The following TMIGD3 variants were observed in gnomAD, a reference collection of about 807,000 sequenced individuals.
The protein encoded by TMIGD3 is AD026 protein (AD026).
A neutral mutation model predicts 28.1 loss-of-function variants in TMIGD3; 21 were observed. The observed-to-expected ratio is 0.75, with a 90% CI of 0.53 to 1.08. The LOEUF is 1.08. Ranked by LOEUF, TMIGD3 falls within the 50% of genes least tolerant of loss-of-function variation. The pLI is 0.00. For missense variants in TMIGD3, 416 were observed against 435.6 expected (o/e 0.96, Z 0.40); for synonymous variants, 151 against 162.1 (o/e 0.93, Z 0.52).
Position 111,559,372 on chromosome 1 carries a change from G to A in TMIGD3, c.107+4474C>T, listed in dbSNP as rs943967213. ...TGAACACCCACTATTAGGCATTTAC[G>A]ATTCAGCAGTGACCTAAAAAAAATC... On this transcript the variant is annotated intron_variant, in intron 1 of 5. Coordinates refer to the TMIGD3 transcript ENST00000369717. 9.2e-5 allele frequency among the ~76,000 whole-genome samples: 14 copies of A among 152,072 alleles called. No individual in the cohort carries two copies. The South Asian group carries it at 1.4e-3, about 16-fold the overall frequency.
At chr1:111,561,654 C>T (rs1263469202) in intron 1 of TMIGD3, among the ~76,000 whole-genome samples, 1 of 152,188 alleles carries the variant, frequency 6.6e-6, no homozygotes, top group Non-Finnish European at 1.5e-5. Context: ...TTCTCTCCTA[C>T]TGCTCACTAC....
chr1:111,494,905 C>T (rs1310850765), intron 1 of TMIGD3, among the ~76,000 whole-genome samples: 1 of 152,190 alleles, frequency 6.6e-6, no homozygotes, highest in African/African-American at 2.4e-5. Context: ...AAAAGACTCC[C>T]TATTCAATAA....
chr1:111,529,949 G>A (rs1656398970), intron 1 of TMIGD3, among the ~76,000 whole-genome samples: 2 of 146,586 alleles, frequency 1.4e-5, no homozygotes, highest in Admixed American at 1.3e-4. Flanking sequence ...GGGGCGGCCG[G>A]GCAGAGGCGC....
intron 1 of TMIGD3, among the ~76,000 whole-genome samples, chr1:111,528,724 A>T (rs981301626): frequency 6.6e-6 from 1 of 152,068 alleles, no homozygotes; most frequent in African/African-American, 2.4e-5. Flanking sequence ...TCATATAGAT[A>T]TTGTACTTAT....
intron 1 of TMIGD3, among the ~76,000 whole-genome samples, chr1:111,491,495 C>T (rs59998931): frequency 0.015 from 2,255 of 152,318 alleles, 45 homozygotes; most frequent in African/African-American, 0.052. Context: ...CTTATCACAT[C>T]CCAGAGCCAG....
intron 1 of TMIGD3, among the ~76,000 whole-genome samples, chr1:111,537,866 A>T (rs904483103): frequency 6.0e-5 from 9 of 149,306 alleles, no homozygotes; most frequent in African/African-American, 2.3e-4. Context: ...GATGACCAGG[A>T]TGAAAACAGA....
intron 1 of TMIGD3, among the ~76,000 whole-genome samples, chr1:111,527,907 G>A (rs35965363): frequency 6.6e-6 from 1 of 151,902 alleles, no homozygotes; most frequent in African/African-American, 2.4e-5. Context: ...ACAGTCTCCT[G>A]TATCAGATAT....
chr1:111,500,544 G>A (rs1655122581), intron 1 of TMIGD3: 2 of 1,614,066 alleles, frequency 1.2e-6, no homozygotes, highest in Non-Finnish European at 8.5e-7. Context: ...TGTGAGTGGT[G>A]ACCCTCTTGT....
intron 2 of TMIGD3, chr1:111,489,459 G>C (rs1654550441): frequency 1.4e-6 from 1 of 715,408 alleles, no homozygotes; most frequent in Admixed American, 5.3e-5. Flanking sequence ...CCTCGATCTT[G>C]AACTTACCAC....
At chr1:111,490,398 A>G in intron 2 of TMIGD3, 1 of 475,880 alleles carries the variant, frequency 2.1e-6, no homozygotes, top group Non-Finnish European at 3.8e-6. Flanking sequence ...TTCTAATTTC[A>G]GTATATGTGC....
chr1:111,544,410 A>G (rs553869109), intron 1 of TMIGD3, among the ~76,000 whole-genome samples: 1 of 152,220 alleles, frequency 6.6e-6, no homozygotes, highest in South Asian at 2.1e-4. Flanking sequence ...ATCTGTCTCT[A>G]TGGATTTGAC....
chr1:111,531,719 A>G (rs1053385020), intron 1 of TMIGD3, among the ~76,000 whole-genome samples: 7 of 151,764 alleles, frequency 4.6e-5, no homozygotes, highest in Non-Finnish European at 8.8e-5. Context: ...TTTTAAAATT[A>G]TTTATTTATT....
At chr1:111,533,915 A>G (rs746354779) in intron 1 of TMIGD3, among the ~76,000 whole-genome samples, 1 of 152,100 alleles carries the variant, frequency 6.6e-6, no homozygotes, top group African/African-American at 2.4e-5. Flanking sequence ...TTGAATTCTG[A>G]CTTGCCCATT....
chr1:111,489,128 C>T (rs1352018621), intron 2 of TMIGD3, 104 bp from the exon 3 acceptor site: 12 of 1,168,044 alleles, frequency 1.0e-5, no homozygotes, highest in African/African-American at 3.1e-5. Flanking sequence ...ATTAAAGAAT[C>T]GGAGGCTGAT....
In TMIGD3 at chr1:111,503,530, C is replaced by T. The variant is rs577794691; in HGVS notation, c.-176G>A. 62 of 1,424,030 alleles carry T rather than the reference C, an allele frequency of 4.4e-5. No individual in the cohort carries two copies. The highest frequency in any genetic ancestry group is 5.2e-5 in the Non-Finnish European group (57 of 1,092,114). The allele number at this position is 1,424,030 out of a possible 1,614,324, so 88.2% of individuals were successfully genotyped here. ...CTGGTGGGGTGATCTCTTGGAAACC[C>T]TTCTCCTTAGAAAGGGCTCATCACA... On this transcript the variant is annotated 5_prime_UTR_variant, in exon 1 of 6. Coordinates refer to ENST00000369716, the MANE Select transcript of TMIGD3 (RefSeq NM_020683.7).
chr1:111,512,022 C>T (rs1423544868), intron 1 of TMIGD3, among the ~76,000 whole-genome samples: 2 of 152,142 alleles, frequency 1.3e-5, no homozygotes, highest in Non-Finnish European at 2.9e-5. Flanking sequence ...GAAAAGCAGC[C>T]AGGTTTCTTT....
intron 1 of TMIGD3, among the ~76,000 whole-genome samples, chr1:111,518,113 C>A (rs961292481): frequency 2.0e-5 from 3 of 152,166 alleles, no homozygotes; most frequent in Non-Finnish European, 4.4e-5. Context: ...AGAGGAACCA[C>A]TTTTAACCTT....
intron 5 of TMIGD3, among the ~76,000 whole-genome samples, chr1:111,484,213 G>A (rs1478725815): frequency 6.6e-6 from 1 of 152,212 alleles, no homozygotes; most frequent in African/African-American, 2.4e-5. Context: ...GTTGATGTGT[G>A]ATGTGTGATA....
chr1:111,500,555 A>G (rs1655123403), intron 1 of TMIGD3: 1 of 1,613,498 alleles, frequency 6.2e-7, no homozygotes, highest in South Asian at 1.1e-5. Flanking sequence ...ACCCTCTTGT[A>G]TCTGTGTGAA....
Sources: allele counts gnomAD v4.1 joint callset (sites outside exome capture counted in the v4.1 genomes callset), GRCh38; gene constraint gnomAD v4.1.1; transcripts MANE v1.5; gene names NCBI Gene and HGNC (gene_info 2026-07-23, HGNC 2026-07-21).